The following TMEM177 variants were observed in gnomAD, a reference collection of about 807,000 sequenced individuals.
The protein encoded by TMEM177 is transmembrane protein 177.
In TMEM177, 4 loss-of-function variants were observed where a neutral mutation model predicts 14.2. That is an observed-to-expected ratio of 0.28 (90% CI 0.14 to 0.64). TMEM177 has a LOEUF of 0.64. Among genes scored for constraint, TMEM177 ranks in the 30% least tolerant of loss-of-function variants. TMEM177 has a pLI of 0.82. For synonymous variants in TMEM177, 179 were observed against 174.5 expected (o/e 1.03, Z -0.20); for missense variants, 344 against 405.2 (o/e 0.85, Z 1.30).
chr2:119,682,579 G>A (rs1009412575), downstream of TMEM177, among the ~76,000 whole-genome samples: 8 of 152,094 alleles, frequency 5.3e-5, no homozygotes, highest in Non-Finnish European at 7.4e-5. Flanking sequence ...AGACCAGCAC[G>A]TGCCAGGAGA....
the TMEM177 span, among the ~76,000 whole-genome samples, chr2:119,691,916 C>G: frequency 6.6e-6 from 1 of 152,210 alleles, no homozygotes; most frequent in Non-Finnish European, 1.5e-5. Flanking sequence ...AGCCACGTGC[C>G]CACGTCCTGA....
Position 119,681,778 on chromosome 2 carries a change from GGC to G in TMEM177, c.926_927del (p.Gly309AlafsTer21). 1 of 1,612,646 alleles carries G rather than the reference GGC, an allele frequency of 6.2e-7. No individual in the cohort carries two copies. The highest frequency in any genetic ancestry group is 1.7e-5 in the Admixed American group (1 of 59,970). ...GATGTGGAGGGGGATGCTCAATCCG[GGC>G]CGCTCCTGATGGGCTCATCACAAGG... ...LQMWRGMLNPGRS is the reference protein window; with the variant it reads ...LQMWRGMLNPXRS On this transcript the variant is annotated frameshift_variant, in exon 2 of 2. Transcript: ENST00000272521. LOFTEE classifies it high-confidence loss of function.
the TMEM177 span, among the ~76,000 whole-genome samples, chr2:119,705,619 CGT>C: frequency 3.7e-4 from 52 of 139,258 alleles, no homozygotes; most frequent in African/African-American, 8.1e-4. Context: ...CACTCAGATC[CGT>C]GTGTGTGTGT....
downstream of TMEM177, among the ~76,000 whole-genome samples, chr2:119,691,243 T>G (rs769009912): frequency 2.0e-5 from 3 of 152,114 alleles, no homozygotes; most frequent in Non-Finnish European, 2.9e-5. Flanking sequence ...TTCCTGAGCT[T>G]CTCCGTGCCT....
chr2:119,711,850 T>C, the TMEM177 span, among the ~76,000 whole-genome samples: 1 of 151,714 alleles, frequency 6.6e-6, no homozygotes, highest in East Asian at 1.9e-4. Context: ...AGTCCTGGGG[T>C]GGGAAAGGAG....
chr2:119,710,230 C>A, the TMEM177 span, among the ~76,000 whole-genome samples: 1 of 152,188 alleles, frequency 6.6e-6, no homozygotes, highest in Non-Finnish European at 1.5e-5. Flanking sequence ...CCTTGCCATC[C>A]CCTCAGACTG....
At chr2:119,709,153 G>A in the TMEM177 span, among the ~76,000 whole-genome samples, 7 of 152,168 alleles carry the variant, frequency 4.6e-5, no homozygotes, top group African/African-American at 1.2e-4. Flanking sequence ...TACCATGCGC[G>A]TCTCTTTCCA....
downstream of TMEM177, among the ~76,000 whole-genome samples, chr2:119,685,221 C>CG (rs1688992116): frequency 7.5e-6 from 1 of 134,014 alleles, no homozygotes; most frequent in African/African-American, 2.7e-5. Context: ...CGCCCCCCCC[C>CG]CCCTTTGCAG....
chr2:119,716,396 C>T, the TMEM177 span, among the ~76,000 whole-genome samples: 1 of 152,244 alleles, frequency 6.6e-6, no homozygotes, highest in Non-Finnish European at 1.5e-5. Flanking sequence ...TTGCCTTCAA[C>T]AGAAGGCGTA....
downstream of TMEM177, chr2:119,685,765 T>G (rs1689003176): frequency 1.4e-6 from 1 of 717,552 alleles, no homozygotes; most frequent in Middle Eastern, 2.3e-4. Context: ...GTATCGTTCT[T>G]AAAACACTAA....
At chr2:119,718,887 G>GT in the TMEM177 span, among the ~76,000 whole-genome samples, 1 of 152,192 alleles carries the variant, frequency 6.6e-6, no homozygotes, top group African/African-American at 2.4e-5. Context: ...TATGAAAGCA[G>GT]TTTTTTAAAA....
chr2:119,699,173 G>T, the TMEM177 span: 1 of 154,268 alleles, frequency 6.5e-6, no homozygotes, highest in South Asian at 1.8e-4. Context: ...AAAGGAAAGT[G>T]ACTCACACAG....
chr2:119,707,169 A>G, the TMEM177 span, among the ~76,000 whole-genome samples: 1 of 152,128 alleles, frequency 6.6e-6, no homozygotes, highest in Non-Finnish European at 1.5e-5. Flanking sequence ...GATTACAGGC[A>G]TGAGCCACTG....
At chr2:119,695,950 C>T in the TMEM177 span, among the ~76,000 whole-genome samples, 1 of 152,234 alleles carries the variant, frequency 6.6e-6, no homozygotes, top group African/African-American at 2.4e-5. Flanking sequence ...CCACTGCAAG[C>T]ATGGCCCAGC....
the TMEM177 span, among the ~76,000 whole-genome samples, chr2:119,719,362 TCTTGAA>T: frequency 6.6e-6 from 1 of 152,156 alleles, no homozygotes; most frequent in African/African-American, 2.4e-5. Context: ...TGGGGTAAAG[TCTTGAA>T]CTTGATCAGC....
chr2:119,691,232 G>A (rs146332492), downstream of TMEM177, among the ~76,000 whole-genome samples: 1,161 of 152,280 alleles, frequency 7.6e-3, 14 homozygotes, highest in Middle Eastern at 0.041. Flanking sequence ...CTGTGGGCAC[G>A]TTCCTGAGCT....
chr2:119,694,144 T>C, the TMEM177 span, among the ~76,000 whole-genome samples: 4 of 34,788 alleles, frequency 1.1e-4, no homozygotes, highest in East Asian at 2.0e-3. Flanking sequence ...ACATTGCACG[T>C]ACCACACACA....
At chr2:119,697,202 G>A in the TMEM177 span, among the ~76,000 whole-genome samples, 1 of 152,224 alleles carries the variant, frequency 6.6e-6, no homozygotes, top group Non-Finnish European at 1.5e-5. Context: ...GGACTGCAGG[G>A]TCAGGGTCTG....
At chr2:119,706,597 C>G in the TMEM177 span, among the ~76,000 whole-genome samples, 1 of 151,960 alleles carries the variant, frequency 6.6e-6, no homozygotes, top group Non-Finnish European at 1.5e-5. Flanking sequence ...CTTTTGTTGA[C>G]TAAAAAACAT....
Sources: allele counts gnomAD v4.1 joint callset (sites outside exome capture counted in the v4.1 genomes callset), GRCh38; gene constraint gnomAD v4.1.1; transcripts MANE v1.5; gene names NCBI Gene and HGNC (gene_info 2026-07-23, HGNC 2026-07-21).